Variants in NDST2 observed in about 807,000 individuals in gnomAD.
The protein encoded by NDST2 is N-deacetylase and N-sulfotransferase 2, also known as bifunctional heparan sulfate N-deacetylase/N-sulfotransferase 2.
NDST2 carries 32 observed loss-of-function variants against 86.9 expected under a neutral mutation model. The ratio of observed to expected loss-of-function variants is 0.37; its 90% CI spans 0.28 to 0.49. The LOEUF (loss-of-function observed/expected upper bound fraction) is 0.49, where lower values mean the gene tolerates loss of function less well. NDST2 is among the 20% of genes least tolerant of loss of function. NDST2 has a pLI of 0.97. For missense variants in NDST2, 950 were observed against 1,146.9 expected (o/e 0.83, Z 2.48); for synonymous variants, 409 against 437.0 (o/e 0.94, Z 0.80).
intron 8 of NDST2, among the ~76,000 whole-genome samples, 157 bp from the exon 9 acceptor site, chr10:73,805,026 G>A (rs2084075132): frequency 6.6e-6 from 1 of 151,504 alleles, no homozygotes; most frequent in African/African-American, 2.4e-5. Flanking sequence ...TCAGCCTTCT[G>A]AGTAGCTGGG....
Position 73,807,430 on chromosome 10 carries a change from A to G in NDST2, c.959T>C (p.Ile320Thr). 6.2e-7 allele frequency: 1 copy of G among 1,614,194 alleles called. No homozygotes were observed. Among genetic ancestry groups the G allele is most frequent in the Non-Finnish European group, 8.5e-7 (1 of 1,180,038 alleles). ...DRYILVDIDD[I>T]FVGKEGTRMK... ...GCGGGTCCCTTCCTTGCCCACAAAG[A>G]TGTCATCGATGTCTACCAAGATGTA... Residue 320 changes from isoleucine (I) to threonine (T), a missense_variant, in exon 3 of 15, where the codon ATC becomes ACC. This residue lies in a region of NDST2 where 586 missense variants were observed against 714.0 expected (regional missense o/e 0.82). Coordinates refer to ENST00000309979, the MANE Select transcript of NDST2 (RefSeq NM_003635.4).
In NDST2 at chr10:73,802,509, A is replaced by G; in HGVS notation, c.2594T>C (p.Leu865Pro). 6.2e-7 allele frequency: 1 copy of G among 1,614,054 alleles called. No individual in the cohort carries two copies. ...NLELSKLLSR[L>P]GQPVPSWLRE... is the part of the protein sequence containing the mutation. Reference sequence around the variant, plus strand: ...AAGCCACGAGGGCACTGGCTGTCCAAGCCGGCTCAGCAGCTTCGACAACTC... The same window carrying G: ...AAGCCACGAGGGCACTGGCTGTCCAGGCCGGCTCAGCAGCTTCGACAACTC... The change falls in exon 15 of 15, where the codon CTT (leucine) becomes CCT (proline). Residue 865 changes from leucine (L) to proline (P), a missense_variant. Leu to Pro is a moderately conservative substitution (Grantham distance 98). Around this residue, in one of 5 missense-constraint regions of NDST2, gnomAD observed 303 missense variants for 323.7 expected, o/e 0.94. Transcript: ENST00000309979.
In NDST2 at chr10:73,805,959, G is replaced by C; in HGVS notation, c.1504C>G (p.Arg502Gly). The change falls in exon 7 of 15, where the codon CGT becomes GGT. Residue 502 changes from arginine (R) to glycine (G), a missense_variant. By Grantham distance (125) the Arg-to-Gly change is moderately radical. Transcript: ENST00000309979. ...CCTCGGATGCTCCGGTCTAGTTCAC[G>C]AGAGCCTCCAGGATACTCATTATAG... ...IFYNEYPGGS[R>G]ELDRSIRGGE... is the part of the protein sequence containing the mutation. The C allele has an allele frequency of 6.2e-7, 1 of 1,614,186 alleles. No individual in the cohort carries two copies.
Position 73,803,169 on chromosome 10 carries a change from G to A in NDST2, c.2313+20C>T. ...AGAGGGGAAGGGGAACCCCACTGAGGGCTCTTGTGGGGATTATACCTGTCC... is the reference window on the plus strand; with the variant it reads ...AGAGGGGAAGGGGAACCCCACTGAGAGCTCTTGTGGGGATTATACCTGTCC... On this transcript the variant is annotated intron_variant, in intron 12 of 14. Coordinates refer to ENST00000309979, the MANE Select transcript of NDST2 (RefSeq NM_003635.4). 6.2e-7 allele frequency: 1 copy of A among 1,614,050 alleles called. No individual in the cohort carries two copies. Among genetic ancestry groups the A allele is most frequent in the Non-Finnish European group, 8.5e-7 (1 of 1,179,890 alleles).
Position 73,808,354 on chromosome 10 carries a change from C to A in NDST2, c.35G>T (p.Arg12Leu). 1 of 1,594,604 alleles carries A rather than the reference C, an allele frequency of 6.3e-7. No homozygotes were observed. The highest frequency in any genetic ancestry group is 8.5e-7 in the Non-Finnish European group (1 of 1,170,630). The change falls in exon 3 of 15, where the codon CGG becomes CTG. Residue 12 changes from arginine (R) to leucine (L), a missense_variant. Transcript: ENST00000309979. This position sits in a 1 kb window ranked among gnomAD's most constrained non-coding sequence, Gnocchi z 4.3. The stretch of plus-strand genomic sequence containing the variant: ...TATGAGGCGGTGCAGTTCCAGCTGC[C>A]GAGCTGGGCGTACCACCTTCCACAA... ...LQLWKVVRPA[R>L]QLELHRLILL...
intron 8 of NDST2, 89 bp downstream of exon 8, chr10:73,805,498 A>G: frequency 7.7e-7 from 1 of 1,300,830 alleles, no homozygotes; most frequent in South Asian, 1.3e-5. Flanking sequence ...TGGGTGACAG[A>G]GCGAGATTCT....
intron 2 of NDST2, among the ~76,000 whole-genome samples, chr10:73,809,255 G>A (rs1052202818): frequency 6.6e-6 from 1 of 152,194 alleles, no homozygotes; most frequent in African/African-American, 2.4e-5. Context: ...CAGCTTTAAC[G>A]AACTTGCAGT....
In NDST2 at chr10:73,802,888, G is replaced by A. The variant is rs147096184; in HGVS notation, c.2423+84C>T. On this transcript the variant is annotated intron_variant, in intron 13 of 14. Transcript: ENST00000309979. ...GACATGTCTCTCCTTGTGAGACAGA[G>A]TAAATCTATGTCTCTAACAGACATG... The A allele has an allele frequency of 5.5e-5, 84 of 1,520,396 alleles. No individual in the cohort carries two copies. In the African/African-American group the frequency reaches 8.5e-4, roughly 15 times the overall value. The allele number at this position is 1,520,396 out of a possible 1,614,324, so 94.2% of individuals were successfully genotyped here.
Position 73,808,364 on chromosome 10 carries a change from G to T in NDST2, c.25C>A (p.Arg9Ser), listed in dbSNP as rs368488804. The T allele has an allele frequency of 2.5e-6, 4 of 1,595,838 alleles. No individual in the cohort carries two copies. The highest frequency in any genetic ancestry group is 1.7e-5 in the Admixed American group (1 of 57,642). The change falls in exon 3 of 15, where the codon CGC becomes AGC. Residue 9 changes from arginine (R) to serine (S), a missense_variant. By Grantham distance (110) the Arg-to-Ser change is moderately radical. Transcript: ENST00000309979. The surrounding 1 kb of genome is among the most constrained non-coding windows in gnomAD (Gnocchi z 4.3). MLQLWKVV[R>S]PARQLELHRL... ...TGCAGTTCCAGCTGCCGAGCTGGGC[G>T]TACCACCTTCCACAACTGGAGCATG...
chr10:73,803,729 C>T lies in NDST2; in HGVS notation c.1987G>A (p.Val663Ile). The T allele has an allele frequency of 6.2e-7, 1 of 1,614,060 alleles. No homozygotes were observed. Among genetic ancestry groups the T allele is most frequent in the Non-Finnish European group, 8.5e-7 (1 of 1,180,008 alleles). Reference sequence around the variant, plus strand: ...AAATCAGTGCTGGCATTGGAAGGAACAGGGAAGAAATCCATGTACCTAGGA... The same window carrying T: ...AAATCAGTGCTGGCATTGGAAGGAATAGGGAAGAAATCCATGTACCTAGGA... ...GIDWYMDFFP[V>I]PSNASTDFLF... is the part of the protein sequence containing the mutation. The change falls in exon 11 of 15, where the codon GTT becomes ATT. Residue 663 changes from valine to isoleucine, a missense_variant. By Grantham distance (29) the Val-to-Ile change is conservative. Coordinates refer to ENST00000309979, the MANE Select transcript of NDST2 (RefSeq NM_003635.4).
At position 73,808,145 on chromosome 10, in the gene NDST2, G is replaced by A. The variant is rs753508212; in HGVS notation, c.244C>T (p.Arg82Ter). The change falls in exon 3 of 15, where the codon CGA becomes TGA. Residue 82 changes from arginine (R) to a stop codon, truncating the protein, a stop_gained. Coordinates refer to ENST00000309979, the MANE Select transcript of NDST2 (RefSeq NM_003635.4). LOFTEE classifies it high-confidence loss of function. The surrounding 1 kb of genome is among the most constrained non-coding windows in gnomAD (Gnocchi z 4.3). ...PRPPRPPETA[R>*]TEPVVLVFVE... ...AACACAAGGACCACGGGTTCAGTTC[G>A]AGCTGTCTCTGGAGGCCTGGGGGGC... The A allele has an allele frequency of 1.8e-5, 29 of 1,614,198 alleles. No homozygotes were observed. The highest frequency in any genetic ancestry group is 2.3e-5 in the Non-Finnish European group (27 of 1,180,032).
intron 7 of NDST2, 28 bp downstream of exon 7, chr10:73,805,872 C>A: frequency 6.2e-7 from 1 of 1,614,060 alleles, no homozygotes; most frequent in Non-Finnish European, 8.5e-7. Flanking sequence ...GCTCTCCAAT[C>A]TTCTAGCCGT....
rs746048895 is a variant in NDST2, at chr10:73,802,491, G to A, written c.2612C>T (p.Ser871Leu). The part of the protein sequence containing the change: ...LLSRLGQPVP[S>L]WLREELQHSS... Reference sequence around the variant, plus strand: ...ATGCTGCAGTTCTTCCCGAAGCCACGAGGGCACTGGCTGTCCAAGCCGGCT... The same window carrying A: ...ATGCTGCAGTTCTTCCCGAAGCCACAAGGGCACTGGCTGTCCAAGCCGGCT... Residue 871 changes from serine to leucine, a missense_variant, in exon 15 of 15, where the codon TCG becomes TTG. Around this residue, in one of 5 missense-constraint regions of NDST2, gnomAD observed 303 missense variants for 323.7 expected, o/e 0.94. Coordinates refer to ENST00000309979, the MANE Select transcript of NDST2 (RefSeq NM_003635.4). 11 of 1,613,854 alleles carry A rather than the reference G, an allele frequency of 6.8e-6. No individual in the cohort carries two copies. In the South Asian group the frequency reaches 7.7e-5, roughly 11 times the overall value.
In NDST2 at chr10:73,806,955, C is replaced by T; in HGVS notation, c.1094-144G>A. On this transcript the variant is annotated intron_variant, in intron 4 of 14. Transcript: ENST00000309979. The surrounding 1 kb of genome is among the most constrained non-coding windows in gnomAD (Gnocchi z 4.5). ...ACTGCCAACTTGCCATCCAGCCACC[C>T]ATGCGAACCTAAATTCATGCCCACC... The T allele has an allele frequency of 6.8e-7, 1 of 1,470,298 alleles. No individual in the cohort carries two copies. Among genetic ancestry groups the T allele is most frequent in the African/African-American group, 1.4e-5 (1 of 72,050 alleles). 91.1% of individuals were successfully genotyped at this position (1,470,298 alleles called of 1,614,324 possible).
chr10:73,807,065 G>T, intron 4 of NDST2, 43 bp downstream of exon 4: 1 of 1,570,700 alleles, frequency 6.4e-7, no homozygotes, highest in East Asian at 2.2e-5. Flanking sequence ...TGAAGGGACA[G>T]GTCAAACTAT....
chr10:73,803,457 T>G (rs1317933574), intron 11 of NDST2, 98 bp from the exon 12 acceptor site: 2 of 1,547,304 alleles, frequency 1.3e-6, no homozygotes, highest in Non-Finnish European at 1.8e-6. Context: ...CGGGTACCCG[T>G]CCCCAAGGCA....
At chr10:73,804,124 T>G in intron 9 of NDST2, 108 bp from the exon 10 acceptor site, 1 of 1,346,118 alleles carries the variant, frequency 7.4e-7, no homozygotes, top group Non-Finnish European at 1.0e-6. Flanking sequence ...GGTAGGAAAA[T>G]CCCCTATGGC....
intron 9 of NDST2, 119 bp downstream of exon 9, chr10:73,804,654 T>C: frequency 1.9e-6 from 1 of 517,296 alleles, no homozygotes; most frequent in Non-Finnish European, 3.2e-6. Context: ...AAAAAAATTA[T>C]TAAAATTAAA....
In NDST2 at chr10:73,808,253, C is replaced by G. The variant is rs1489644831; in HGVS notation, c.136G>C (p.Glu46Gln). 1 of 1,608,520 alleles carries G rather than the reference C, an allele frequency of 6.2e-7. No individual in the cohort carries two copies. Among genetic ancestry groups the G allele is most frequent in the Non-Finnish European group, 8.5e-7 (1 of 1,177,492 alleles). ...TCTCCCAAGGGCAGGGGCAAGGGTT[C>G]CTTGGCCTTAGGGCTGGTGGACACA... ...YYVSTSPKAK[E>Q]PLPLPLGDCS... Residue 46 changes from glutamate (E) to glutamine (Q), a missense_variant, in exon 3 of 15, where the codon GAA becomes CAA. Glu to Gln is a conservative substitution (Grantham distance 29, BLOSUM62 2). This residue lies in a region of NDST2 where 6 missense variants were observed against 26.5 expected (regional missense o/e 0.23). Coordinates refer to ENST00000309979, the MANE Select transcript of NDST2 (RefSeq NM_003635.4). This position sits in a 1 kb window ranked among gnomAD's most constrained non-coding sequence, Gnocchi z 4.3.
Sources: gnomAD v4.1 joint callset for allele counts (sites outside exome capture counted in the v4.1 genomes callset) on GRCh38, gnomAD v4.1.1 for gene constraint, gnomAD v4.1.1 regional missense constraint, Gnocchi (gnomAD v3.1) non-coding constraint, MANE v1.5 for transcripts, NCBI Gene and HGNC (gene_info 2026-07-23, HGNC 2026-07-21) for gene names.